The following SPAM1 variants were observed in gnomAD, a reference collection of about 807,000 sequenced individuals.
The protein encoded by SPAM1 is hyaluronidase PH-20.
Under a neutral mutation model 29.6 loss-of-function variants are expected in SPAM1, and 22 were observed. The ratio of observed to expected loss-of-function variants is 0.74; its 90% confidence interval spans 0.53 to 1.06. SPAM1 has a LOEUF of 1.06. Ranked by LOEUF, SPAM1 falls within the 50% of genes least tolerant of loss-of-function variation. The pLI is 0.00. For synonymous variants in SPAM1, 194 were observed against 204.6 expected, an observed-to-expected ratio of 0.95 and a Z score of 0.44; for missense variants, 534 against 604.0, an observed-to-expected ratio of 0.88 and a Z score of 1.21.
chr7:123,935,971 T>C (rs778295062), intron 1 of SPAM1, among the ~76,000 whole-genome samples: 9 of 152,364 alleles, frequency 5.9e-5, no homozygotes, highest in Admixed American at 3.3e-4. Flanking sequence ...TGACTCACTA[T>C]AGGTTGTGAC....
chr7:123,940,288 C>T (rs2189683), intron 1 of SPAM1, among the ~76,000 whole-genome samples: 13,094 of 151,868 alleles, frequency 0.086, 699 homozygotes, highest in South Asian at 0.13. Context: ...ATGAGTGGCT[C>T]TGAAAATTGA....
At chr7:123,957,224 CAG>C (rs1792267706) in intron 4 of SPAM1, among the ~76,000 whole-genome samples, 1 of 151,816 alleles carries the variant, frequency 6.6e-6, no homozygotes, top group African/African-American at 2.4e-5. Context: ...AGAATTTAAA[CAG>C]AGATATGGAG....
chr7:123,968,747 G>A (rs1403375704), intron 5 of SPAM1, among the ~76,000 whole-genome samples: 2 of 151,914 alleles, frequency 1.3e-5, no homozygotes, highest in Non-Finnish European at 2.9e-5. Flanking sequence ...TGACTTCTAG[G>A]CCCATCATTC....
chr7:123,933,459 C>G (rs1450252640), intron 1 of SPAM1, among the ~76,000 whole-genome samples: 1 of 152,064 alleles, frequency 6.6e-6, no homozygotes. Context: ...ACTTTTAAAA[C>G]AAAAATGTTA....
At chr7:123,933,307 G>A (rs1036273427) in intron 1 of SPAM1, among the ~76,000 whole-genome samples, 3 of 151,864 alleles carry the variant, frequency 2.0e-5, no homozygotes, top group Non-Finnish European at 4.4e-5. Context: ...ACTTATAAGC[G>A]AGAACATGGG....
chr7:123,952,755 G>A (rs1279585446), intron 2 of SPAM1, among the ~76,000 whole-genome samples: 1 of 152,020 alleles, frequency 6.6e-6, no homozygotes, highest in Admixed American at 6.6e-5. Context: ...AGGCATGGGA[G>A]TACATTATTG....
At chr7:123,957,162 C>T (rs996459637) in intron 4 of SPAM1, among the ~76,000 whole-genome samples, 1 of 151,758 alleles carries the variant, frequency 6.6e-6, no homozygotes, top group African/African-American at 2.4e-5. Context: ...CTTATGAGTA[C>T]TTAAAAAGTA....
At chr7:123,944,875 C>A (rs1808527684) in intron 1 of SPAM1, among the ~76,000 whole-genome samples, 2 of 152,090 alleles carry the variant, frequency 1.3e-5, no homozygotes, top group South Asian at 4.1e-4. Context: ...ATTATAAAGT[C>A]CTGTAATTTT....
intron 1 of SPAM1, among the ~76,000 whole-genome samples, chr7:123,928,141 A>G: frequency 6.6e-6 from 1 of 152,290 alleles, no homozygotes; most frequent in Admixed American, 6.5e-5. Context: ...CCTGCTATAA[A>G]ATAGTTTATT....
intron 1 of SPAM1, among the ~76,000 whole-genome samples, chr7:123,939,767 A>G (rs1002660611): frequency 2.0e-5 from 3 of 152,126 alleles, no homozygotes; most frequent in Non-Finnish European, 4.4e-5. Context: ...CCTGCAAGTC[A>G]GTTTAGCAAG....
intron 1 of SPAM1, among the ~76,000 whole-genome samples, chr7:123,937,384 A>G (rs191969822): frequency 0.011 from 1,691 of 152,104 alleles, 20 homozygotes; most frequent in African/African-American, 0.028. Context: ...GGCGGATCAC[A>G]AAGTCAGGAG....
chr7:123,955,822 T>A (rs1792237668), intron 4 of SPAM1, among the ~76,000 whole-genome samples: 1 of 151,880 alleles, frequency 6.6e-6, no homozygotes, highest in African/African-American at 2.4e-5. Context: ...TATAAAGAAA[T>A]AACAAAAAAT....
At chr7:123,937,560 C>T (rs1049688152) in intron 1 of SPAM1, among the ~76,000 whole-genome samples, 2 of 140,426 alleles carry the variant, frequency 1.4e-5, no homozygotes, top group East Asian at 2.1e-4. Flanking sequence ...GAGATCGCGC[C>T]ACTGCACTCC....
chr7:123,938,936 G>GT lies in SPAM1; in HGVS notation c.-318-10927dup, dbSNP rs573590291. Reference sequence around the variant, plus strand: ...ATCGCAGAACCGGGATTGGTCCTAGGTTTTTTTTTATAGTGGGATGTTGGA... The same window carrying GT: ...ATCGCAGAACCGGGATTGGTCCTAGGTTTTTTTTTTATAGTGGGATGTTGGA... On this transcript the variant is annotated intron_variant, in intron 1 of 4. Coordinates refer to ENST00000682466, the MANE Select transcript of SPAM1 (RefSeq NM_153189.3). Among the ~76,000 whole-genome samples the GT allele has an allele frequency of 1.5e-3, 231 of 151,354 alleles. 1 individual carries two copies. The highest frequency in any genetic ancestry group is 2.5e-3 in the Non-Finnish European group (169 of 67,792).
chr7:123,942,173 C>G (rs559643953), intron 1 of SPAM1, among the ~76,000 whole-genome samples: 3 of 152,000 alleles, frequency 2.0e-5, no homozygotes, highest in Non-Finnish European at 4.4e-5. Context: ...TTAGTGATTT[C>G]AAATCAGGAA....
chr7:123,954,268 G>C lies in SPAM1; in HGVS notation c.698G>C (p.Gly233Ala). 6.2e-7 allele frequency: 1 copy of C among 1,612,506 alleles called. No individual in the cohort carries two copies. The highest frequency in any genetic ancestry group is 8.5e-7 in the Non-Finnish European group (1 of 1,179,444). The part of the protein sequence containing the change: ...DCYNHHYKKP[G>A]YNGSCFNVEI... ...TACAACCATCACTATAAGAAACCCGGTTACAATGGAAGTTGCTTCAATGTA... is the reference window on the plus strand; with the variant it reads ...TACAACCATCACTATAAGAAACCCGCTTACAATGGAAGTTGCTTCAATGTA... Residue 233 changes from glycine (G) to alanine (A), a missense_variant, in exon 3 of 5, where the codon GGT (glycine) becomes GCT (alanine). Physicochemically the swap from Gly to Ala is moderately conservative, Grantham distance 60. Coordinates refer to ENST00000682466, the MANE Select transcript of SPAM1 (RefSeq NM_153189.3).
At chr7:123,958,022 C>A (rs1453662138) in intron 4 of SPAM1, among the ~76,000 whole-genome samples, 1 of 151,996 alleles carries the variant, frequency 6.6e-6, no homozygotes, top group Non-Finnish European at 1.5e-5. Context: ...TTCTGAAGAT[C>A]CATTCCTTAA....
Position 123,953,932 on chromosome 7 carries a change from A to G in SPAM1, c.362A>G (p.Gln121Arg), listed in dbSNP as rs1193132985. ...GGAATCCCCCAGAAGATTTCCTTAC[A>G]AGACCATCTGGACAAAGCTAAGAAA... ...NGGIPQKISL[Q>R]DHLDKAKKDI... is the part of the protein sequence containing the mutation. The change falls in exon 3 of 5, where the codon CAA becomes CGA. Residue 121 changes from glutamine to arginine, a missense_variant. Coordinates refer to ENST00000682466, the MANE Select transcript of SPAM1 (RefSeq NM_153189.3). The G allele has an allele frequency of 5.0e-6, 8 of 1,613,790 alleles. No individual in the cohort carries two copies. The highest frequency in any genetic ancestry group is 6.8e-6 in the Non-Finnish European group (8 of 1,179,820).
intron 1 of SPAM1, among the ~76,000 whole-genome samples, chr7:123,927,426 T>A (rs892960742): frequency 6.6e-6 from 1 of 152,132 alleles, no homozygotes; most frequent in Admixed American, 6.5e-5. Context: ...AAGGAGGGCA[T>A]CTATAGCGAT....
Sources: allele counts gnomAD v4.1 joint callset (sites outside exome capture counted in the v4.1 genomes callset), GRCh38; gene constraint gnomAD v4.1.1; transcripts MANE v1.5; gene names NCBI Gene and HGNC (gene_info 2026-07-23, HGNC 2026-07-21).